SV2C: variants seen among roughly 807,000 people sequenced by gnomAD.
SV2C encodes solute carrier family 22 member B3.
Under a neutral mutation model 79.7 loss-of-function variants are expected in SV2C, and 49 were observed. That is an observed-to-expected ratio of 0.61 (90% CI 0.49 to 0.78). The LOEUF (loss-of-function observed/expected upper bound fraction) is 0.78, where lower values mean the gene tolerates loss of function less well. Ranked by LOEUF, SV2C falls within the 30% of genes least tolerant of loss-of-function variation. The probability of loss-of-function intolerance (pLI) is 0.00; values close to 1 mark genes in which losing one functional copy is unlikely to be tolerated. For missense variants in SV2C, 833 were observed against 912.9 expected (o/e 0.91, Z 1.13); for synonymous variants, 334 against 333.2 (o/e 1.00, Z -0.03).
At chr5:76,171,672 C>G (rs1341610461) in intron 2 of SV2C, among the ~76,000 whole-genome samples, 1 of 135,682 alleles carries the variant, frequency 7.4e-6, no homozygotes, top group African/African-American at 2.7e-5. Flanking sequence ...GGGGGTCAGC[C>G]CCCCCGCCCG....
chr5:75,939,988 C>A, the SV2C span, among the ~76,000 whole-genome samples: 4 of 152,194 alleles, frequency 2.6e-5, no homozygotes, highest in African/African-American at 7.2e-5. Context: ...GTCCTGAGAA[C>A]TGAACCTCAT....
intron 2 of SV2C, among the ~76,000 whole-genome samples, chr5:76,141,101 G>C (rs1749235987): frequency 6.6e-6 from 1 of 152,176 alleles, no homozygotes. Flanking sequence ...AGAGGCTTCT[G>C]ACATCCGAGT....
chr5:75,911,755 G>C, the SV2C span: 1 of 617,098 alleles, frequency 1.6e-6, no homozygotes, highest in Non-Finnish European at 3.2e-6. Context: ...GCTTGTCTTA[G>C]CTGACTCCTC....
intron 4 of SV2C, among the ~76,000 whole-genome samples, chr5:76,216,396 T>C (rs1007413733): frequency 1.3e-5 from 2 of 152,028 alleles, no homozygotes; most frequent in East Asian, 1.9e-4. Flanking sequence ...GTCTCCCCCA[T>C]GGCAAAGAGC....
At chr5:75,932,433 CA>C in the SV2C span, among the ~76,000 whole-genome samples, 2 of 137,222 alleles carry the variant, frequency 1.5e-5, no homozygotes, top group Admixed American at 1.4e-4. Context: ...GACAAAGATA[CA>C]GAAACAGAGT....
chr5:76,124,427 T>C (rs1748634756), intron 1 of SV2C, among the ~76,000 whole-genome samples: 1 of 152,204 alleles, frequency 6.6e-6, no homozygotes, highest in Admixed American at 6.5e-5. Context: ...ACCCATATTA[T>C]AGCATGTTTC....
At chr5:76,014,198 GAAAGAAAGAAAGGAAAAGA>G in the SV2C span, among the ~76,000 whole-genome samples, 2 of 124,092 alleles carry the variant, frequency 1.6e-5, no homozygotes, top group South Asian at 2.5e-4. Flanking sequence ...GAAGGAAAGA[GAAAGAAAGAAAGGAAAAGA>G]AAAGAAAGAA....
chr5:75,898,716 T>A, the SV2C span, among the ~76,000 whole-genome samples: 1 of 152,192 alleles, frequency 6.6e-6, no homozygotes, highest in African/African-American at 2.4e-5. Context: ...TTTTGGTTGG[T>A]AAGCTATTGA....
chr5:76,047,131 A>G, the SV2C span, among the ~76,000 whole-genome samples: 2 of 152,190 alleles, frequency 1.3e-5, no homozygotes, highest in Non-Finnish European at 1.5e-5. Flanking sequence ...CCAGAGAAGT[A>G]CAAAAATCAT....
chr5:75,999,818 CTCTCTGCT>C, the SV2C span, among the ~76,000 whole-genome samples: 1 of 152,190 alleles, frequency 6.6e-6, no homozygotes, highest in East Asian at 1.9e-4. Context: ...GTGAGGGCTA[CTCTCTGCT>C]TGTAAGATGG....
At chr5:75,871,487 T>G in the SV2C span, among the ~76,000 whole-genome samples, 1 of 152,136 alleles carries the variant, frequency 6.6e-6, no homozygotes, top group Admixed American at 6.6e-5. Context: ...AAAAACTATT[T>G]AAAAAACTAT....
intron 4 of SV2C, among the ~76,000 whole-genome samples, chr5:76,243,750 C>G (rs1423901182): frequency 6.6e-6 from 1 of 152,160 alleles, no homozygotes; most frequent in Non-Finnish European, 1.5e-5. Flanking sequence ...TTCTTGACCC[C>G]CTGTGTCTCC....
chr5:76,093,144 T>C (rs1747434643), intron 1 of SV2C, among the ~76,000 whole-genome samples: 1 of 152,170 alleles, frequency 6.6e-6, no homozygotes, highest in African/African-American at 2.4e-5. Flanking sequence ...ACATGTCTCT[T>C]TATAGAGCAC....
intron 4 of SV2C, among the ~76,000 whole-genome samples, chr5:76,270,803 C>G (rs555689977): frequency 6.6e-6 from 1 of 151,554 alleles, no homozygotes; most frequent in African/African-American, 2.4e-5. Context: ...GGGTCTCACT[C>G]TGTCACCCAG....
chr5:75,898,239 T>G, the SV2C span, among the ~76,000 whole-genome samples: 1 of 152,202 alleles, frequency 6.6e-6, no homozygotes, highest in African/African-American at 2.4e-5. Context: ...TTGAGATACG[T>G]CCCATCAATA....
At chr5:76,306,946 T>G (rs1748213267) in intron 12 of SV2C, among the ~76,000 whole-genome samples, 1 of 152,254 alleles carries the variant, frequency 6.6e-6, no homozygotes, top group Non-Finnish European at 1.5e-5. Context: ...CTGAGTCTGT[T>G]GTGGGAATTC....
chr5:76,026,183 C>T, the SV2C span, among the ~76,000 whole-genome samples: 1 of 142,388 alleles, frequency 7.0e-6, no homozygotes, highest in East Asian at 2.1e-4. Context: ...AAGTAGAAAC[C>T]AGCCTGGCAA....
chr5:75,910,235 C>T, the SV2C span: 6 of 429,662 alleles, frequency 1.4e-5, no homozygotes, highest in Non-Finnish European at 2.7e-5. Flanking sequence ...TCAAGGCCAG[C>T]CTGGGCAACA....
At chr5:75,912,088 A>G in the SV2C span, among the ~76,000 whole-genome samples, 2 of 152,208 alleles carry the variant, frequency 1.3e-5, no homozygotes, top group African/African-American at 4.8e-5. Context: ...CATTAGACTC[A>G]AGGAATACTT....
Sources: gnomAD v4.1 joint callset for allele counts (sites outside exome capture counted in the v4.1 genomes callset) on GRCh38, gnomAD v4.1.1 for gene constraint, MANE v1.5 for transcripts, NCBI Gene and HGNC (gene_info 2026-07-23, HGNC 2026-07-21) for gene names.